The following CCDC146 variants were observed in gnomAD, a reference collection of about 807,000 sequenced individuals.
CCDC146 encodes coiled-coil domain containing 146.
A neutral mutation model predicts 119.3 loss-of-function variants in CCDC146; 92 were observed. The observed-to-expected ratio is 0.77, with a 90% CI of 0.65 to 0.92. The LOEUF (loss-of-function observed/expected upper bound fraction) is 0.92. Ranked by LOEUF, CCDC146 falls within the 40% of genes least tolerant of loss-of-function variation. The pLI is 0.00. For missense variants in CCDC146, 1,000 were observed against 1,103.0 expected (o/e 0.91, Z 1.32); for synonymous variants, 372 against 371.8 (o/e 1.00, Z -0.01).
chr7:77,221,177 G>C (rs955177002), intron 2 of CCDC146, among the ~76,000 whole-genome samples: 7 of 152,150 alleles, frequency 4.6e-5, no homozygotes, highest in African/African-American at 1.7e-4. Context: ...CCATGATCCA[G>C]TCACCTCCCA....
intron 2 of CCDC146, among the ~76,000 whole-genome samples, chr7:77,173,590 T>C (rs1255429429): frequency 6.6e-5 from 10 of 152,152 alleles, no homozygotes; most frequent in African/African-American, 2.2e-4. Context: ...GATCACACCA[T>C]TGTGCTCCAG....
chr7:77,133,649 C>T (rs1308581334), intron 1 of CCDC146, among the ~76,000 whole-genome samples: 3 of 119,342 alleles, frequency 2.5e-5, no homozygotes, highest in Non-Finnish European at 3.7e-5. Flanking sequence ...CAGCCTGGAA[C>T]ACCTTTTTTT....
At chr7:77,182,308 T>C (rs779710470) in intron 2 of CCDC146, among the ~76,000 whole-genome samples, 1 of 152,220 alleles carries the variant, frequency 6.6e-6, no homozygotes, top group Non-Finnish European at 1.5e-5. Context: ...TTGTATGTTC[T>C]AGCTGTGCAA....
Position 77,196,749 on chromosome 7 carries a change from G to A in CCDC146, c.156+28925G>A, listed in dbSNP as rs1791879310. The A allele has an allele frequency of 4.3e-6, 7 of 1,614,020 alleles. No homozygotes were observed. The highest frequency in any genetic ancestry group is 5.1e-6 in the Non-Finnish European group (6 of 1,179,964). ...AGAAGATGAATTTTATCGTTCCCCA[G>A]CCAAAATTCCCTTCTGAGGTTTCCA... On this transcript the variant is annotated intron_variant, in intron 2 of 18. Coordinates refer to ENST00000285871, the MANE Select transcript of CCDC146 (RefSeq NM_020879.3). The surrounding 1 kb of genome is among the most constrained non-coding windows in gnomAD (Gnocchi z 4.2).
chr7:77,231,153 A>C (rs1342897966), intron 2 of CCDC146, among the ~76,000 whole-genome samples: 1 of 152,116 alleles, frequency 6.6e-6, no homozygotes, highest in Non-Finnish European at 1.5e-5. Context: ...CCCACCCATT[A>C]ATCACTTAGT....
rs140684499 is a variant in CCDC146 at position 77,221,954 on chromosome 7, G to A, written c.157-14993G>A. ...TTACATGACAAATGAGAATTTCAGCGAACAAAACTGAATGGCTTCTATACA... is the reference window on the plus strand; with the variant it reads ...TTACATGACAAATGAGAATTTCAGCAAACAAAACTGAATGGCTTCTATACA... On this transcript the variant is annotated intron_variant, in intron 2 of 18. Transcript: ENST00000285871. Among the ~76,000 whole-genome samples the A allele has an allele frequency of 4.2e-3, 634 of 152,234 alleles. 6 individuals carry two copies. Among genetic ancestry groups the A allele is most frequent in the Non-Finnish European group, 2.6e-3 (179 of 68,022 alleles).
chr7:77,278,435 A>ATTTTTTTTT (rs140968354), intron 11 of CCDC146, among the ~76,000 whole-genome samples: 1 of 103,342 alleles, frequency 9.7e-6, no homozygotes, highest in African/African-American at 4.3e-5. Context: ...CCAAGAAATA[A>ATTTTTTTTT]TTTTTTTTTT....
rs576380196 is a variant in CCDC146 at position 77,198,289 on chromosome 7, C to T, written c.156+30465C>T. On this transcript the variant is annotated intron_variant, in intron 2 of 18. Coordinates refer to ENST00000285871, the MANE Select transcript of CCDC146 (RefSeq NM_020879.3). ...ACTGTCTCTAAATGAAAGTGATCTC[C>T]GCCCTGTCCTTTCAACCTCACGTTC... is the stretch of plus-strand genomic sequence containing the variant. 11 of 985,242 alleles carry T rather than the reference C, an allele frequency of 1.1e-5. No individual in the cohort carries two copies. In the South Asian group the frequency reaches 1.4e-4, roughly 13 times the overall value. The allele number at this position is 985,242 out of a possible 1,614,324, so 61.0% of individuals were successfully genotyped here. A position where few individuals can be genotyped will look rare whatever the true frequency, so the allele number is the denominator to read the frequency against.
At chr7:77,195,112 C>A (rs1791840635) in intron 2 of CCDC146, 1 of 152,006 alleles carries the variant, frequency 6.6e-6, no homozygotes, top group East Asian at 1.9e-4. Context: ...TAAAATTGGC[C>A]TCAGAGTATG....
In CCDC146 at chr7:77,148,496, G is replaced by A. The variant is rs6953510; in HGVS notation, c.-11-19162G>A. ...AATGCAGAAATCACCCGTCTTCTGC[G>A]TCGCTCATGCTAGGAGCTGTAGACT... On this transcript the variant is annotated intron_variant, in intron 1 of 18. Coordinates refer to ENST00000285871, the MANE Select transcript of CCDC146 (RefSeq NM_020879.3). Among the ~76,000 whole-genome samples, 607 of 152,106 alleles carry A rather than the reference G, an allele frequency of 4.0e-3. 2 individuals carry two copies. Among genetic ancestry groups the A allele is most frequent in the African/African-American group, 0.014 (564 of 41,498 alleles).
chr7:77,166,951 A>C (rs189559361), intron 1 of CCDC146, among the ~76,000 whole-genome samples: 2 of 152,328 alleles, frequency 1.3e-5, no homozygotes, highest in East Asian at 3.9e-4. Context: ...CTTTCCAATA[A>C]GGAGTGAATG....
intron 1 of CCDC146, among the ~76,000 whole-genome samples, chr7:77,154,178 C>T (rs1001960399): frequency 6.6e-6 from 1 of 151,760 alleles, no homozygotes; most frequent in African/African-American, 2.4e-5. Flanking sequence ...ATGTGCTGTA[C>T]GAGATAATTT....
At chr7:77,129,996 G>GTACA (rs1369201217) in intron 1 of CCDC146, among the ~76,000 whole-genome samples, 5 of 151,892 alleles carry the variant, frequency 3.3e-5, no homozygotes, top group Non-Finnish European at 7.4e-5. Flanking sequence ...GGGCCCCAAA[G>GTACA]TACAAGAGTA....
At chr7:77,276,826 G>A (rs1423768931) in intron 11 of CCDC146, among the ~76,000 whole-genome samples, 2 of 152,100 alleles carry the variant, frequency 1.3e-5, no homozygotes, top group African/African-American at 2.4e-5. Flanking sequence ...ATCCCAACAC[G>A]TTGGGAGGCC....
At position 77,167,922 on chromosome 7, in the gene CCDC146, A is replaced by G. The variant is rs933682704; in HGVS notation, c.156+98A>G. On this transcript the variant is annotated intron_variant, in intron 2 of 18. Transcript: ENST00000285871. Reference sequence around the variant, plus strand: ...TATCATTATCAAAATTCTTTATTACATATATCCTGTAGGTGATATTTACAA... The same window carrying G: ...TATCATTATCAAAATTCTTTATTACGTATATCCTGTAGGTGATATTTACAA... The G allele has an allele frequency of 1.2e-5, 18 of 1,459,202 alleles. No individual in the cohort carries two copies. The African/African-American group carries it at 1.4e-4, about 12-fold the overall frequency. 90.4% of individuals were successfully genotyped at this position (1,459,202 alleles called of 1,614,324 possible). A position where few individuals can be genotyped will look rare whatever the true frequency, so the allele number is the denominator to read the frequency against.
intron 4 of CCDC146, among the ~76,000 whole-genome samples, chr7:77,243,907 C>T (rs537441008): frequency 3.3e-5 from 5 of 152,212 alleles, no homozygotes; most frequent in East Asian, 3.9e-4. Context: ...GAGACAGAGT[C>T]GTGCTCTGTC....
chr7:77,256,018 T>G (rs929146938), intron 5 of CCDC146, among the ~76,000 whole-genome samples: 1 of 152,144 alleles, frequency 6.6e-6, no homozygotes, highest in African/African-American at 2.4e-5. Flanking sequence ...CTTCTTGGTA[T>G]GAAATAAAAA....
chr7:77,239,086 T>C (rs1792795056), intron 3 of CCDC146, among the ~76,000 whole-genome samples: 1 of 152,208 alleles, frequency 6.6e-6, no homozygotes, highest in Non-Finnish European at 1.5e-5. Context: ...GAGTCTTCCA[T>C]AGAAACCATG....
chr7:77,138,957 C>G (rs1335044366), intron 1 of CCDC146, among the ~76,000 whole-genome samples: 3 of 152,222 alleles, frequency 2.0e-5, no homozygotes, highest in Admixed American at 6.5e-5. Context: ...TAGGCAGCGT[C>G]TTACAAAACT....
Sources: allele counts gnomAD v4.1 joint callset (sites outside exome capture counted in the v4.1 genomes callset), GRCh38; gene constraint gnomAD v4.1.1; non-coding constraint Gnocchi (gnomAD v3.1); transcripts MANE v1.5; gene names NCBI Gene and HGNC (gene_info 2026-07-23, HGNC 2026-07-21).